Variants in TRPC7 observed in about 807,000 individuals in gnomAD.
The protein encoded by TRPC7 is transient receptor potential cation channel subfamily C member 7, also known as short transient receptor potential channel 7.
A neutral mutation model predicts 90.1 loss-of-function variants in TRPC7; 42 were observed. The observed-to-expected ratio is 0.47, with a 90% CI of 0.36 to 0.60. The LOEUF is 0.60. TRPC7 is among the 20% of genes least tolerant of loss of function. TRPC7 has a pLI of 0.00. For synonymous variants in TRPC7, 451 were observed against 436.3 expected, an observed-to-expected ratio of 1.03 and a Z score of -0.42; for missense variants, 955 against 1,112.3, an observed-to-expected ratio of 0.86 and a Z score of 2.01.
chr5:136,265,935 C>A (rs1757011691), intron 5 of TRPC7, among the ~76,000 whole-genome samples: 1 of 152,030 alleles, frequency 6.6e-6, no homozygotes, highest in Non-Finnish European at 1.5e-5. Flanking sequence ...ATATGTTTCC[C>A]CATGAAACTA....
intron 4 of TRPC7, among the ~76,000 whole-genome samples, chr5:136,274,163 C>A (rs1425926424): frequency 6.6e-6 from 1 of 152,198 alleles, no homozygotes; most frequent in Admixed American, 6.5e-5. Context: ...AGTGCCCCAG[C>A]ATGAGCTGTG....
At chr5:136,216,297 G>C in intron 10 of TRPC7, 22 bp from the exon 11 acceptor site, 1 of 1,595,962 alleles carries the variant, frequency 6.3e-7, no homozygotes, top group African/African-American at 1.3e-5. Context: ...AGCAAGGAAG[G>C]GATCAGACAG....
At chr5:136,257,456 C>T (rs1756722762) in intron 5 of TRPC7, among the ~76,000 whole-genome samples, 1 of 152,116 alleles carries the variant, frequency 6.6e-6, no homozygotes, top group Non-Finnish European at 1.5e-5. Context: ...GCTGGGATTG[C>T]AGGCATGAGC....
At chr5:136,323,421 C>T (rs1759256973) in intron 2 of TRPC7, among the ~76,000 whole-genome samples, 1 of 152,150 alleles carries the variant, frequency 6.6e-6, no homozygotes, top group African/African-American at 2.4e-5. Context: ...AATGCAAGGT[C>T]ATAAATGTGT....
chr5:136,317,000 C>T lies in TRPC7; in HGVS notation c.781-1221G>A, dbSNP rs568713646. Reference sequence around the variant, plus strand: ...CTGAGTTAATGATTCTTATCTCCTTCCAGGGTTGCTGTATCAAAATGTCAC... The same window carrying T: ...CTGAGTTAATGATTCTTATCTCCTTTCAGGGTTGCTGTATCAAAATGTCAC... On this transcript the variant is annotated intron_variant, in intron 2 of 11. Transcript: ENST00000513104. Among the ~76,000 whole-genome samples the T allele has an allele frequency of 2.6e-5, 4 of 152,322 alleles. No homozygotes were observed. The South Asian group carries it at 8.3e-4, about 32-fold the overall frequency.
chr5:136,234,310 CTT>C (rs111485168), intron 7 of TRPC7, among the ~76,000 whole-genome samples: 2 of 145,782 alleles, frequency 1.4e-5, no homozygotes, highest in South Asian at 2.2e-4. Context: ...CATTTCTTTT[CTT>C]TTTTTTTTTT....
chr5:136,246,064 G>A (rs1340733393), intron 7 of TRPC7, among the ~76,000 whole-genome samples: 4 of 152,168 alleles, frequency 2.6e-5, no homozygotes, highest in African/African-American at 9.7e-5. Context: ...GTGGACACAG[G>A]CTTAGAGAGC....
intron 7 of TRPC7, among the ~76,000 whole-genome samples, chr5:136,236,252 GCT>G (rs1242435528): frequency 1.3e-5 from 2 of 152,274 alleles, no homozygotes; most frequent in East Asian, 1.9e-4. Flanking sequence ...AAGCAGGGAG[GCT>G]CTGTTTGCCT....
At chr5:136,322,294 A>G (rs558733644) in intron 2 of TRPC7, among the ~76,000 whole-genome samples, 5 of 152,292 alleles carry the variant, frequency 3.3e-5, no homozygotes, top group African/African-American at 1.2e-4. Context: ...GATTACAGGC[A>G]TAAGCCACCA....
chr5:136,363,114 A>G (rs1760618722), intron 1 of TRPC7, among the ~76,000 whole-genome samples: 1 of 152,140 alleles, frequency 6.6e-6, no homozygotes. Flanking sequence ...AATTAGCTCC[A>G]CTATAAATTA....
chr5:136,294,291 G>A (rs1444758363), intron 3 of TRPC7, among the ~76,000 whole-genome samples: 4 of 152,114 alleles, frequency 2.6e-5, no homozygotes, highest in Non-Finnish European at 1.5e-5. Flanking sequence ...TGACAAATAG[G>A]ATCTAATTAA....
chr5:136,227,371 C>T lies in TRPC7; in HGVS notation c.2041-1116G>A, dbSNP rs564728246. 2.0e-5 allele frequency among the ~76,000 whole-genome samples: 3 copies of T among 152,288 alleles called. No homozygotes were observed. The East Asian group carries it at 5.8e-4, about 29-fold the overall frequency. ...AGCTTATGGAGATAAAACTGCTTCC[C>T]TCACATAGCCCTGAGGTCGGTAGTG... On this transcript the variant is annotated intron_variant, in intron 8 of 11. Coordinates refer to ENST00000513104, the MANE Select transcript of TRPC7 (RefSeq NM_020389.3).
At chr5:136,337,663 CAAA>C (rs55856709) in intron 2 of TRPC7, among the ~76,000 whole-genome samples, 31 of 121,606 alleles carry the variant, frequency 2.5e-4, no homozygotes, top group Non-Finnish European at 2.9e-4. Context: ...GAGACTCCAT[CAAA>C]AAAAAAAAAA....
chr5:136,357,761 A>G (rs749952501), intron 1 of TRPC7, among the ~76,000 whole-genome samples: 21 of 152,194 alleles, frequency 1.4e-4, no homozygotes, highest in Non-Finnish European at 2.8e-4. Context: ...GAGAGCCACT[A>G]AACCCCTCTA....
At chr5:136,273,935 G>A (rs1757280360) in intron 4 of TRPC7, among the ~76,000 whole-genome samples, 1 of 152,192 alleles carries the variant, frequency 6.6e-6, no homozygotes, top group African/African-American at 2.4e-5. Context: ...ATGTGGGGAT[G>A]GTGGAGCCGC....
chr5:136,264,466 T>C (rs938347397), intron 5 of TRPC7, among the ~76,000 whole-genome samples: 11 of 152,204 alleles, frequency 7.2e-5, no homozygotes, highest in African/African-American at 2.7e-4. Flanking sequence ...TAGGGAGAAC[T>C]GGGATAGATT....
intron 10 of TRPC7, among the ~76,000 whole-genome samples, chr5:136,224,172 T>C (rs943350677): frequency 6.6e-6 from 1 of 152,254 alleles, no homozygotes; most frequent in East Asian, 1.9e-4. Flanking sequence ...CAGGACAGCT[T>C]AAAATTTACA....
intron 1 of TRPC7, among the ~76,000 whole-genome samples, chr5:136,363,697 T>C (rs1015351739): frequency 3.9e-5 from 6 of 152,318 alleles, no homozygotes; most frequent in Admixed American, 2.6e-4. Context: ...TGTTAATAAG[T>C]GTTTCTATTA....
chr5:136,306,599 C>G (rs1390483524), intron 3 of TRPC7, among the ~76,000 whole-genome samples: 1 of 152,126 alleles, frequency 6.6e-6, no homozygotes, highest in Non-Finnish European at 1.5e-5. Flanking sequence ...CCATCGCATC[C>G]CCTGTGACTT....
Sources: gnomAD v4.1 joint callset for allele counts (sites outside exome capture counted in the v4.1 genomes callset) on GRCh38, gnomAD v4.1.1 for gene constraint, MANE v1.5 for transcripts, NCBI Gene and HGNC (gene_info 2026-07-23, HGNC 2026-07-21) for gene names.